Variants in CDKL3 observed in about 807,000 individuals in gnomAD.
The protein encoded by CDKL3 is cyclin dependent kinase like 3.
In CDKL3, 65 loss-of-function variants were observed where a neutral mutation model predicts 69.3. The observed-to-expected ratio is 0.94, with a 90% CI of 0.77 to 1.15. The LOEUF (loss-of-function observed/expected upper bound fraction) is 1.15. Among genes scored for constraint, CDKL3 ranks in the 50% most tolerant of loss-of-function variants. CDKL3 has a pLI of 0.00. For synonymous variants in CDKL3, 202 were observed against 221.6 expected (o/e 0.91, Z 0.79); for missense variants, 652 against 689.2 (o/e 0.95, Z 0.61).
upstream of CDKL3, among the ~76,000 whole-genome samples, chr5:134,370,152 G>C (rs1229805762): frequency 6.6e-6 from 1 of 152,196 alleles, no homozygotes; most frequent in Non-Finnish European, 1.5e-5. Context: ...CAGGGGCAAG[G>C]CTGAGGCAAT....
At chr5:134,354,729 A>G (rs1754141465) in intron 3 of CDKL3, among the ~76,000 whole-genome samples, 1 of 152,126 alleles carries the variant, frequency 6.6e-6, no homozygotes, top group Non-Finnish European at 1.5e-5. Context: ...CAGGTGGATC[A>G]TGAGGTCAGG....
intron 4 of CDKL3, among the ~76,000 whole-genome samples, chr5:134,345,365 G>A (rs1387059020): frequency 6.6e-6 from 1 of 152,118 alleles, no homozygotes; most frequent in African/African-American, 2.4e-5. Flanking sequence ...AAATGAGCCT[G>A]GACTGCTATC....
chr5:134,302,299 T>A (rs1461660926), intron 12 of CDKL3: 1 of 459,980 alleles, frequency 2.2e-6, no homozygotes, highest in East Asian at 6.2e-5. Flanking sequence ...CCATTATTCA[T>A]TTTCACTAGT....
At chr5:134,344,103 A>T (rs994036458) in intron 4 of CDKL3, among the ~76,000 whole-genome samples, 3 of 152,238 alleles carry the variant, frequency 2.0e-5, no homozygotes, top group South Asian at 2.1e-4. Flanking sequence ...AGCCAAATGC[A>T]AAAGAATGAA....
intron 7 of CDKL3, among the ~76,000 whole-genome samples, chr5:134,310,331 G>GC (rs1769077199): frequency 6.6e-6 from 1 of 151,398 alleles, no homozygotes; most frequent in South Asian, 2.1e-4. Context: ...CATTACAGGG[G>GC]CCCGCCACCA....
downstream of CDKL3, among the ~76,000 whole-genome samples, chr5:134,297,082 G>A (rs890233865): frequency 1.3e-5 from 2 of 151,440 alleles, no homozygotes; most frequent in Non-Finnish European, 2.9e-5. Flanking sequence ...CTCCCGAGTA[G>A]CTGGGATTAC....
At chr5:134,284,172 C>A (rs938683711), downstream of CDKL3, among the ~76,000 whole-genome samples, 17 of 152,204 alleles carry the variant, frequency 1.1e-4, no homozygotes, top group Non-Finnish European at 1.9e-4. Flanking sequence ...GGGAACCAGC[C>A]CCCAATATTT....
chr5:134,302,529 A>G (rs1356880914), intron 12 of CDKL3, 61 bp downstream of exon 12: 1 of 818,732 alleles, frequency 1.2e-6, no homozygotes, highest in African/African-American at 1.7e-5. Flanking sequence ...CTAAATTTAT[A>G]CACTGAGTCA....
intron 4 of CDKL3, among the ~76,000 whole-genome samples, chr5:134,349,925 C>T (rs373913173): frequency 6.6e-6 from 1 of 152,138 alleles, no homozygotes; most frequent in Non-Finnish European, 1.5e-5. Context: ...CACTGACTCA[C>T]GCCTGTAATC....
At chr5:134,313,659 C>G (rs1242574333) in intron 6 of CDKL3, among the ~76,000 whole-genome samples, 1 of 151,998 alleles carries the variant, frequency 6.6e-6, no homozygotes, top group Non-Finnish European at 1.5e-5. Flanking sequence ...ATCTAGAGAT[C>G]TGCTGTACTA....
intron 6 of CDKL3, among the ~76,000 whole-genome samples, chr5:134,313,460 AAAGT>A (rs889873644): frequency 3.4e-4 from 51 of 152,170 alleles, no homozygotes; most frequent in African/African-American, 1.1e-3. Context: ...ACAATCCTAC[AAAGT>A]AAGTATTATT....
rs757142156 is a variant in CDKL3, at chr5:134,312,399, T to C, written c.793-19A>G. The C allele has an allele frequency of 2.8e-6, 4 of 1,430,466 alleles. No individual in the cohort carries two copies. The highest frequency in any genetic ancestry group is 2.9e-6 in the Non-Finnish European group (3 of 1,039,662). The allele number at this position is 1,430,466 out of a possible 1,614,324, so 88.6% of individuals were successfully genotyped here. A position where few individuals can be genotyped will look rare whatever the true frequency, so the allele number is the denominator to read the frequency against. On this transcript the variant is annotated intron_variant, in intron 6 of 12. Transcript: ENST00000265334. Reference sequence around the variant, plus strand: ...AACAAGCCTAGGAAAGGAAAAAGATTTTAATAAGTGAGCTCTCAACAGGGC... The same window carrying C: ...AACAAGCCTAGGAAAGGAAAAAGATCTTAATAAGTGAGCTCTCAACAGGGC...
intron 4 of CDKL3, among the ~76,000 whole-genome samples, chr5:134,349,677 G>A (rs777954141): frequency 2.0e-5 from 3 of 152,188 alleles, no homozygotes; most frequent in Non-Finnish European, 4.4e-5. Flanking sequence ...GATACACACT[G>A]AGGGATGTCT....
rs796539156 is a variant in CDKL3, at chr5:134,352,301, A to AT, written c.361-1875dup. Among the ~76,000 whole-genome samples the AT allele has an allele frequency of 7.0e-3, 969 of 137,490 alleles. 8 individuals carry two copies. The highest frequency in any genetic ancestry group is 0.018 in the East Asian group (86 of 4,754). 90.2% of individuals were successfully genotyped at this position (137,490 alleles called of 152,430 possible). A position where few individuals can be genotyped will look rare whatever the true frequency, so the allele number is the denominator to read the frequency against. ...TCATCCTTAATGGACACTTAGGTTG[A>AT]TTTTTTTTTTTTTTTTTGAGACAGA... On this transcript the variant is annotated intron_variant, in intron 3 of 12. Transcript: ENST00000265334.
chr5:134,316,734 T>C (rs1386160989), intron 6 of CDKL3, among the ~76,000 whole-genome samples: 1 of 152,310 alleles, frequency 6.6e-6, no homozygotes, highest in South Asian at 2.1e-4. Context: ...ACGCAATCAC[T>C]GAAAACTATC....
chr5:134,308,123 T>C lies in CDKL3; in HGVS notation c.1364+15A>G. 6.3e-7 allele frequency: 1 copy of C among 1,597,448 alleles called. No individual in the cohort carries two copies. Among genetic ancestry groups the C allele is most frequent in the Non-Finnish European group, 8.5e-7 (1 of 1,169,900 alleles). ...AATGTTGTATTATTTAGGTTTCTTC[T>C]CTGTTACAGCTCACCTCACACTGGG... is the stretch of plus-strand genomic sequence containing the variant. On this transcript the variant is annotated intron_variant, in intron 9 of 12. Transcript: ENST00000265334.
chr5:134,312,432 G>T, intron 6 of CDKL3, 52 bp from the exon 7 acceptor site: 1 of 912,620 alleles, frequency 1.1e-6, no homozygotes, highest in Non-Finnish European at 1.7e-6. Context: ...GGCTCCATAT[G>T]GTAAAAATTA....
At chr5:134,340,085 T>C (rs772071589) in intron 4 of CDKL3, among the ~76,000 whole-genome samples, 1 of 151,222 alleles carries the variant, frequency 6.6e-6, no homozygotes, top group Non-Finnish European at 1.5e-5. Context: ...GCTGGGGAAG[T>C]CAAGGCTGCA....
intron 4 of CDKL3, among the ~76,000 whole-genome samples, chr5:134,326,827 A>ATATGTGTGTG (rs1554090769): frequency 0.021 from 2,106 of 102,656 alleles, 20 homozygotes; most frequent in East Asian, 0.027. Context: ...GTATATATAT[A>ATATGTGTGTG]TATATATATA....
Sources: allele counts gnomAD v4.1 joint callset (sites outside exome capture counted in the v4.1 genomes callset), GRCh38; gene constraint gnomAD v4.1.1; transcripts MANE v1.5; gene names NCBI Gene and HGNC (gene_info 2026-07-23, HGNC 2026-07-21).